The following LHPP variants were observed in gnomAD, a reference collection of about 807,000 sequenced individuals.
LHPP encodes the protein phospholysine phosphohistidine inorganic pyrophosphate phosphatase.
A neutral mutation model predicts 30.3 loss-of-function variants in LHPP; 24 were observed. The ratio of observed to expected loss-of-function variants is 0.79; its 90% confidence interval spans 0.57 to 1.11. LHPP has a LOEUF of 1.11. LHPP is among the 50% of genes most tolerant of loss of function. LHPP has a pLI of 0.00. For synonymous variants in LHPP, 150 were observed against 157.1 expected (o/e 0.95, Z 0.34); for missense variants, 356 against 367.2 (o/e 0.97, Z 0.25).
chr10:124,608,530 G>T (rs1042587487), intron 6 of LHPP, among the ~76,000 whole-genome samples: 4 of 152,248 alleles, frequency 2.6e-5, no homozygotes, highest in African/African-American at 9.6e-5. Flanking sequence ...AAGGCACAGG[G>T]GCTTAGGGAA....
intron 6 of LHPP, among the ~76,000 whole-genome samples, chr10:124,579,233 C>G (rs1301537511): frequency 1.3e-5 from 2 of 152,260 alleles, no homozygotes; most frequent in African/African-American, 4.8e-5. Flanking sequence ...CAGCCCACCA[C>G]CGGGGCGCTG....
chr10:124,521,652 C>T (rs1024266295), intron 6 of LHPP, among the ~76,000 whole-genome samples: 3 of 152,106 alleles, frequency 2.0e-5, no homozygotes, highest in East Asian at 3.9e-4. Flanking sequence ...TGAGTAACTG[C>T]GCTCACACTT....
intron 1 of LHPP, among the ~76,000 whole-genome samples, chr10:124,466,976 T>C (rs1952568328): frequency 6.6e-6 from 1 of 151,260 alleles, no homozygotes; most frequent in Non-Finnish European, 1.5e-5. Flanking sequence ...ATACAAAAAT[T>C]AGCCGGGCAT....
At chr10:124,611,223 G>T (rs1170328298) in intron 6 of LHPP, among the ~76,000 whole-genome samples, 1 of 152,038 alleles carries the variant, frequency 6.6e-6, no homozygotes, top group East Asian at 1.9e-4. Flanking sequence ...CCCTTTGCTG[G>T]AAGGGGCAGC....
intron 6 of LHPP, among the ~76,000 whole-genome samples, chr10:124,531,828 G>A (rs1049065229): frequency 4.6e-5 from 7 of 152,284 alleles, no homozygotes; most frequent in Middle Eastern, 3.4e-3. Context: ...GAGGTGATGC[G>A]ATGTCCCACT....
At chr10:124,540,798 A>C (rs945234212) in intron 6 of LHPP, among the ~76,000 whole-genome samples, 144 of 152,294 alleles carry the variant, frequency 9.5e-4, no homozygotes, top group Non-Finnish European at 2.1e-4. Context: ...ACCAGGGGGC[A>C]GAGTCCTCCT....
At chr10:124,507,071 CA>C in intron 5 of LHPP, among the ~76,000 whole-genome samples, 1 of 6,066 alleles carries the variant, frequency 1.6e-4, no homozygotes, top group Non-Finnish European at 2.4e-4. Context: ...TAGGGGTAGA[CA>C]GGATTTCAGG....
Position 124,478,734 on chromosome 10 carries a change from G to T in LHPP, c.126-5405G>T, listed in dbSNP as rs1257437948. ...TCAGAGGCTCGTCCTGGCCTGCTGA[G>T]ATGAGGTAAAGGTCAGTTCAAAGAT... On this transcript the variant is annotated intron_variant, in intron 1 of 6. Transcript: ENST00000368842. This position sits in a 1 kb window ranked among gnomAD's most constrained non-coding sequence, Gnocchi z 4.7. Among the ~76,000 whole-genome samples the T allele has an allele frequency of 3.9e-5, 6 of 152,206 alleles. No homozygotes were observed. The highest frequency in any genetic ancestry group is 2.0e-4 in the Admixed American group (3 of 15,282).
chr10:124,601,755 A>G (rs941817156), intron 6 of LHPP, among the ~76,000 whole-genome samples: 1 of 151,378 alleles, frequency 6.6e-6, no homozygotes, highest in South Asian at 2.1e-4. Flanking sequence ...CACGGCAAAA[A>G]CCCTTCCCCG....
chr10:124,580,709 C>CTTT (rs778114381), intron 6 of LHPP, among the ~76,000 whole-genome samples: 4 of 109,656 alleles, frequency 3.6e-5, no homozygotes. Flanking sequence ...AGAACATTTT[C>CTTT]TTTTTTTTTT....
Position 124,496,822 on chromosome 10 carries a change from G to A in LHPP, c.468-139G>A, listed in dbSNP as rs184030133. The A allele has an allele frequency of 1.9e-3, 1,370 of 713,552 alleles. 2 individuals are homozygous for A. The highest frequency in any genetic ancestry group is 5.3e-3 in the African/African-American group (293 of 55,574). 44.2% of individuals were successfully genotyped at this position (713,552 alleles called of 1,614,324 possible). On this transcript the variant is annotated intron_variant, in intron 3 of 6. Coordinates refer to ENST00000368842, the MANE Select transcript of LHPP (RefSeq NM_022126.4). The surrounding 1 kb of genome is among the most constrained non-coding windows in gnomAD (Gnocchi z 4.3). ...CTGGTCCCCTGCGGTCATTCTCAGC[G>A]TAGCGCCTGGACTGCCCCTCAGCCG... is the stretch of plus-strand genomic sequence containing the variant.
intron 1 of LHPP, among the ~76,000 whole-genome samples, chr10:124,483,607 A>G (rs1261034935): frequency 6.6e-6 from 1 of 152,132 alleles, no homozygotes; most frequent in Non-Finnish European, 1.5e-5. Flanking sequence ...AATACAAAAA[A>G]TTAGCCAGGT....
intron 6 of LHPP, among the ~76,000 whole-genome samples, chr10:124,572,139 G>T (rs1396218578): frequency 2.0e-5 from 3 of 152,230 alleles, no homozygotes; most frequent in Non-Finnish European, 2.9e-5. Context: ...CTTCTGCCAG[G>T]CTGGCCATCA....
In LHPP at chr10:124,461,898, C is replaced by T. The variant is rs1237658988; in HGVS notation, c.36C>T (p.Arg12=). 2 of 1,257,110 alleles carry T rather than the reference C, an allele frequency of 1.6e-6. No homozygotes were observed. Among genetic ancestry groups the T allele is most frequent in the Non-Finnish European group, 1.0e-6 (1 of 997,658 alleles). 77.9% of individuals were successfully genotyped at this position (1,257,110 alleles called of 1,614,324 possible). ...APWGKRLAGV[R]GVLLDISGVL... ...GGGGCAAGCGGCTGGCTGGCGTGCG[C>T]GGGGTGCTGCTTGACATCTCGGGCG... Residue 12 remains arginine, a synonymous_variant, in exon 1 of 7, where the codon CGC becomes CGT. Coordinates refer to ENST00000368842, the MANE Select transcript of LHPP (RefSeq NM_022126.4).
At chr10:124,611,332 A>C (rs1375980218) in intron 6 of LHPP, among the ~76,000 whole-genome samples, 1 of 152,072 alleles carries the variant, frequency 6.6e-6, no homozygotes, top group African/African-American at 2.4e-5. Context: ...GACCTATAGC[A>C]AGTCTCTGAA....
intron 6 of LHPP, among the ~76,000 whole-genome samples, chr10:124,567,984 C>T (rs1339612389): frequency 2.0e-5 from 3 of 152,208 alleles, no homozygotes; most frequent in Non-Finnish European, 4.4e-5. Context: ...GCGATCTCGG[C>T]TCACTGCAAC....
intron 1 of LHPP, among the ~76,000 whole-genome samples, chr10:124,475,411 G>A (rs1227253870): frequency 6.6e-6 from 1 of 151,234 alleles, no homozygotes; most frequent in African/African-American, 2.4e-5. Flanking sequence ...CATAGTGGCG[G>A]GTGCCTGTAA....
At chr10:124,482,523 T>C (rs943967159) in intron 1 of LHPP, among the ~76,000 whole-genome samples, 3 of 152,206 alleles carry the variant, frequency 2.0e-5, no homozygotes, top group African/African-American at 7.2e-5. Context: ...TCCATGCAGA[T>C]GTCAAATATG....
chr10:124,523,010 C>A lies in LHPP; in HGVS notation c.716+5739C>A, dbSNP rs1024878384. ...CCAGGCCGTGTGGCCTCTCACCACC[C>A]CATCACTCTGTTCGCTGTTCCACGC... On this transcript the variant is annotated intron_variant, in intron 6 of 6. Transcript: ENST00000368842. This position sits in a 1 kb window ranked among gnomAD's most constrained non-coding sequence, Gnocchi z 4.2. Among the ~76,000 whole-genome samples the A allele has an allele frequency of 1.3e-5, 2 of 152,178 alleles. No homozygotes were observed. Among genetic ancestry groups the A allele is most frequent in the Admixed American group, 6.5e-5 (1 of 15,280 alleles).
Sources: allele counts gnomAD v4.1 joint callset (sites outside exome capture counted in the v4.1 genomes callset), GRCh38; gene constraint gnomAD v4.1.1; non-coding constraint Gnocchi (gnomAD v3.1); transcripts MANE v1.5; gene names NCBI Gene and HGNC (gene_info 2026-07-23, HGNC 2026-07-21).